The following BLTP2 variants were observed in gnomAD, a reference collection of about 807,000 sequenced individuals.
BLTP2 encodes the protein U937-associated antigen.
the BLTP2 span, among the ~76,000 whole-genome samples, chr17:28,627,674 C>T: frequency 1.3e-5 from 2 of 152,168 alleles, no homozygotes; most frequent in Non-Finnish European, 2.9e-5. Context: ...ACTGGGATTA[C>T]AGGCGTGAGC....
At chr17:28,639,658 G>A in the BLTP2 span, 10 of 1,612,382 alleles carry the variant, frequency 6.2e-6, no homozygotes, top group Non-Finnish European at 8.5e-6. Flanking sequence ...AGAGGCCAGA[G>A]GACAGATCAG....
chr17:28,619,031 G>C, the BLTP2 span: 1 of 1,396,300 alleles, frequency 7.2e-7, no homozygotes, highest in Non-Finnish European at 1.0e-6. Context: ...TTGGGGGTGG[G>C]ATAGAATGCT....
chr17:28,620,557 G>A, the BLTP2 span: 1 of 1,614,174 alleles, frequency 6.2e-7, no homozygotes, highest in African/African-American at 1.3e-5. Flanking sequence ...CAATGTCCAG[G>A]ATCATGGCAT....
the BLTP2 span, among the ~76,000 whole-genome samples, chr17:28,626,747 G>A: frequency 0.072 from 10,896 of 152,246 alleles, 1,135 homozygotes; most frequent in African/African-American, 0.23. Flanking sequence ...GCCTGCCTGG[G>A]GAGGGCACAG....
At chr17:28,624,024 A>T in the BLTP2 span, 1 of 1,527,212 alleles carries the variant, frequency 6.5e-7, no homozygotes, top group Non-Finnish European at 9.0e-7. Flanking sequence ...TAGTGAGCAC[A>T]TTGTATCAAC....
At chr17:28,633,174 T>C in the BLTP2 span, 2 of 1,584,886 alleles carry the variant, frequency 1.3e-6, no homozygotes, top group South Asian at 1.2e-5. Flanking sequence ...TGCCTCACAA[T>C]GGAACCCCAG....
chr17:28,623,583 A>G, the BLTP2 span, among the ~76,000 whole-genome samples: 5 of 47,222 alleles, frequency 1.1e-4, no homozygotes, highest in Non-Finnish European at 1.6e-4. Flanking sequence ...CACCATGAGG[A>G]AAAAAAAAAA....
chr17:28,635,005 G>C, the BLTP2 span: 1 of 1,613,306 alleles, frequency 6.2e-7, no homozygotes, highest in Non-Finnish European at 8.5e-7. Context: ...GACAGGGCTT[G>C]GAGAGGCCCA....
At chr17:28,633,076 T>G in the BLTP2 span, 1 of 1,591,470 alleles carries the variant, frequency 6.3e-7, no homozygotes, top group Non-Finnish European at 8.6e-7. Context: ...GACACTATGG[T>G]GATCATGGGG....
chr17:28,633,496 C>T, the BLTP2 span: 80 of 1,594,910 alleles, frequency 5.0e-5, no homozygotes, highest in Non-Finnish European at 6.8e-5. Context: ...ATGTGCTATA[C>T]AGACCTCAAC....
the BLTP2 span, chr17:28,640,091 T>G: frequency 6.4e-6 from 10 of 1,572,330 alleles, no homozygotes; most frequent in Non-Finnish European, 8.6e-6. Flanking sequence ...TTACTTTTAT[T>G]TTTTAAAAGT....
At chr17:28,633,476 C>G in the BLTP2 span, 1 of 1,576,600 alleles carries the variant, frequency 6.3e-7, no homozygotes, top group Non-Finnish European at 8.7e-7. Context: ...GCACCTGTCT[C>G]TCTTCCCACA....
At chr17:28,631,367 A>G in the BLTP2 span, 1 of 980,250 alleles carries the variant, frequency 1.0e-6, no homozygotes. Context: ...CTCATAAATA[A>G]ATTTTTGTTG....
At chr17:28,635,330 C>T in the BLTP2 span, 2 of 1,614,204 alleles carry the variant, frequency 1.2e-6, no homozygotes, top group Non-Finnish European at 8.5e-7. Context: ...CTCTCTGCAG[C>T]CAGGGTAATG....
chr17:28,631,510 T>C, the BLTP2 span: 1 of 1,614,044 alleles, frequency 6.2e-7, no homozygotes, highest in Non-Finnish European at 8.5e-7. Flanking sequence ...ATGCCGTTGG[T>C]AGGTGAGGGA....
chr17:28,635,767 T>C, the BLTP2 span: 1 of 700,282 alleles, frequency 1.4e-6, no homozygotes, highest in Non-Finnish European at 2.3e-6. Context: ...TTGTTCCTGT[T>C]AGCACTAATG....
At chr17:28,615,941 AATG>A in the BLTP2 span, 1 of 1,060,526 alleles carries the variant, frequency 9.4e-7, no homozygotes, top group Non-Finnish European at 1.4e-6. Flanking sequence ...TCAGCCTCGT[AATG>A]ATGCTGACTC....
the BLTP2 span, chr17:28,616,622 A>T: frequency 6.2e-7 from 1 of 1,614,216 alleles, no homozygotes; most frequent in East Asian, 2.2e-5. The surrounding 1 kb of genome is among the most constrained non-coding windows in gnomAD (Gnocchi z 4.8). Flanking sequence ...TCTCACCAGT[A>T]GTCACCAGTT....
At chr17:28,635,142 A>G in the BLTP2 span, 7 of 1,613,952 alleles carry the variant, frequency 4.3e-6, no homozygotes. Flanking sequence ...GGAGCCAAAC[A>G]CGGTTCCGGA....
Sources: allele counts gnomAD v4.1 joint callset (sites outside exome capture counted in the v4.1 genomes callset), GRCh38; gene constraint gnomAD v4.1.1; non-coding constraint Gnocchi (gnomAD v3.1); transcripts MANE v1.5; gene names NCBI Gene and HGNC (gene_info 2026-07-23, HGNC 2026-07-21).